The following DOCK8 variants were observed in gnomAD, a reference collection of about 807,000 sequenced individuals.
DOCK8 encodes the protein dedicator of cytokinesis protein 8.
DOCK8 carries 141 observed loss-of-function variants against 245.6 expected under a neutral mutation model. That is an observed-to-expected ratio of 0.57 (90% CI 0.50 to 0.66). The LOEUF (loss-of-function observed/expected upper bound fraction) is 0.66, where lower values mean the gene tolerates loss of function less well. DOCK8 is among the 30% of genes least tolerant of loss of function. The pLI, the probability that DOCK8 is intolerant of heterozygous loss-of-function variation, is 0.00. For synonymous variants in DOCK8, 1,168 were observed against 970.2 expected (o/e 1.20, Z -3.79); for missense variants, 2,965 against 2,603.4 (o/e 1.14, Z -3.02).
chr9:248,180 T>A (rs1203325045), intron 1 of DOCK8, among the ~76,000 whole-genome samples: 1 of 152,214 alleles, frequency 6.6e-6, no homozygotes, highest in African/African-American at 2.4e-5. Flanking sequence ...ACATTCACTG[T>A]CCACCCTGGG....
rs1322906805 is a variant in DOCK8 at position 464,297 on chromosome 9, A to G, written c.*78A>G. 4.0e-6 allele frequency: 5 copies of G among 1,242,168 alleles called. No homozygotes were observed. In the East Asian group the frequency reaches 1.2e-4, roughly 29 times the overall value. 76.9% of individuals were successfully genotyped at this position (1,242,168 alleles called of 1,614,324 possible). On this transcript the variant is annotated 3_prime_UTR_variant, in exon 48 of 48. Transcript: ENST00000432829. ...CTTGCTGGTACTTAAAAAATGGGAC[A>G]TTTGCCACCCAGGACTGACTGTACA...
At chr9:215,397 A>C in intron 1 of DOCK8, 1 of 1,560,012 alleles carries the variant, frequency 6.4e-7, no homozygotes, top group Non-Finnish European at 8.7e-7. Context: ...AGTGTCTCAT[A>C]AACGGCTCCT....
At chr9:211,818 T>C (rs1157015218), upstream of DOCK8, among the ~76,000 whole-genome samples, 2 of 152,124 alleles carry the variant, frequency 1.3e-5, no homozygotes, top group African/African-American at 4.8e-5. Flanking sequence ...GAACCCAGAT[T>C]TCCTGCTTTT....
chr9:329,266 A>G (rs1427036762), intron 9 of DOCK8, among the ~76,000 whole-genome samples: 2 of 152,080 alleles, frequency 1.3e-5, no homozygotes, highest in Non-Finnish European at 2.9e-5. Flanking sequence ...AATCATTGTA[A>G]AAACAAAACA....
chr9:366,763 C>T (rs1247419146), intron 14 of DOCK8, among the ~76,000 whole-genome samples: 1 of 152,168 alleles, frequency 6.6e-6, no homozygotes, highest in Non-Finnish European at 1.5e-5. Flanking sequence ...GCTCAACGCC[C>T]CCTACCTTCC....
At chr9:333,572 GC>G (rs2051153563) in intron 10 of DOCK8, among the ~76,000 whole-genome samples, 1 of 150,366 alleles carries the variant, frequency 6.7e-6, no homozygotes, top group South Asian at 2.1e-4. Flanking sequence ...CTGCACTCCA[GC>G]CTGGGTGACA....
intron 1 of DOCK8, among the ~76,000 whole-genome samples, chr9:259,291 G>C (rs751109282): frequency 1.1e-4 from 17 of 152,034 alleles, no homozygotes; most frequent in Non-Finnish European, 2.4e-4. Flanking sequence ...GACAGAGCAA[G>C]ACCCTGTCTC....
intron 28 of DOCK8, among the ~76,000 whole-genome samples, chr9:410,192 C>A (rs1449246356): frequency 6.6e-6 from 1 of 151,910 alleles, no homozygotes; most frequent in Non-Finnish European, 1.5e-5. Context: ...TTAATATTTC[C>A]TGTGAATATA....
At chr9:287,393 C>G (rs139514734) in intron 3 of DOCK8, among the ~76,000 whole-genome samples, 54 of 152,264 alleles carry the variant, frequency 3.5e-4, no homozygotes, top group African/African-American at 1.1e-3. Flanking sequence ...TTAGGATAAA[C>G]TTTTATTTAC....
intron 1 of DOCK8, among the ~76,000 whole-genome samples, chr9:225,874 C>G (rs544207067): frequency 1.3e-5 from 2 of 152,218 alleles, no homozygotes; most frequent in African/African-American, 2.4e-5. Flanking sequence ...AAGCACATGA[C>G]TGAGGCAGGA....
chr9:432,385 T>G, intron 37 of DOCK8, 61 bp downstream of exon 37: 1 of 1,496,130 alleles, frequency 6.7e-7, no homozygotes, highest in Non-Finnish European at 9.3e-7. Context: ...CTATTGTGTA[T>G]GTATGTATGT....
At chr9:331,950 C>T (rs2051030891) in intron 9 of DOCK8, among the ~76,000 whole-genome samples, 1 of 152,144 alleles carries the variant, frequency 6.6e-6, no homozygotes, top group Non-Finnish European at 1.5e-5. Flanking sequence ...TCACAGAGAC[C>T]ATATCTCTTT....
Position 311,959 on chromosome 9 carries a change from C to A in DOCK8, c.534C>A (p.Gly178=), listed in dbSNP as rs748375077. Residue 178 remains glycine (G), a synonymous_variant, in exon 6 of 48, where the codon GGC becomes GGA. Transcript: ENST00000432829. The stretch of plus-strand genomic sequence containing the variant: ...CCCACTGTTTTCTCTCACAGGCAGG[C>A]CCCCGCCACTTAAACGTGCTGTGCG... The part of the protein sequence containing the change: ...LECSEPAAQA[G]PRHLNVLCDV... 1.2e-6 allele frequency: 2 copies of A among 1,613,630 alleles called. No individual in the cohort carries two copies. Among genetic ancestry groups the A allele is most frequent in the South Asian group, 1.1e-5 (1 of 91,084 alleles).
chr9:431,714 G>T (rs2131729559), intron 36 of DOCK8, among the ~76,000 whole-genome samples: 1 of 152,154 alleles, frequency 6.6e-6, no homozygotes, highest in African/African-American at 2.4e-5. Flanking sequence ...TTGCTGTGTT[G>T]CCCAGGCTGA....
intron 1 of DOCK8, among the ~76,000 whole-genome samples, chr9:235,153 A>G (rs1315213727): frequency 6.6e-6 from 1 of 152,142 alleles, no homozygotes; most frequent in Non-Finnish European, 1.5e-5. Context: ...GGAGTTTGCT[A>G]GAGGTCCACT....
intron 14 of DOCK8, among the ~76,000 whole-genome samples, chr9:341,436 A>G (rs982575231): frequency 6.6e-6 from 1 of 152,188 alleles, no homozygotes; most frequent in East Asian, 1.9e-4. Context: ...TATAAAAATC[A>G]TCTCTTCCCC....
At chr9:280,028 A>G (rs1279968365) in intron 2 of DOCK8, among the ~76,000 whole-genome samples, 1 of 152,166 alleles carries the variant, frequency 6.6e-6, no homozygotes. Flanking sequence ...TTAATTTTCA[A>G]CAGATATGGT....
At chr9:409,659 G>A (rs889879867) in intron 28 of DOCK8, among the ~76,000 whole-genome samples, 8 of 151,704 alleles carry the variant, frequency 5.3e-5, no homozygotes, top group East Asian at 1.9e-4. Context: ...GTATATATGC[G>A]CCATGTTGGT....
At chr9:412,691 G>A (rs1329721703) in intron 28 of DOCK8, among the ~76,000 whole-genome samples, 1 of 151,748 alleles carries the variant, frequency 6.6e-6, no homozygotes, top group Non-Finnish European at 1.5e-5. Flanking sequence ...AAATATTTAG[G>A]AATAAATGTA....
Sources: gnomAD v4.1 joint callset for allele counts (sites outside exome capture counted in the v4.1 genomes callset) on GRCh38, gnomAD v4.1.1 for gene constraint, MANE v1.5 for transcripts, NCBI Gene and HGNC (gene_info 2026-07-23, HGNC 2026-07-21) for gene names.